The following EPC1 variants were observed in gnomAD, a reference collection of about 807,000 sequenced individuals.
The protein encoded by EPC1 is enhancer of polycomb homolog 1.
In EPC1, 12 loss-of-function variants were observed where a neutral mutation model predicts 98.4. That is an observed-to-expected ratio of 0.12 (90% CI 0.08 to 0.20). EPC1 has a LOEUF of 0.20. EPC1 is among the 10% of genes least tolerant of loss of function. The pLI, the probability that EPC1 is intolerant of heterozygous loss-of-function variation, is 1.00. For synonymous variants in EPC1, 357 were observed against 363.9 expected (o/e 0.98, Z 0.21); for missense variants, 729 against 990.5 (o/e 0.74, Z 3.54).
chr10:32,268,889 T>C lies in EPC1; in HGVS notation c.*174A>G. 1 of 572,110 alleles carries C rather than the reference T, an allele frequency of 1.7e-6. No homozygotes were observed. Among genetic ancestry groups the C allele is most frequent in the South Asian group, 2.3e-5 (1 of 43,208 alleles). The allele number at this position is 572,110 out of a possible 1,614,324, so 35.4% of individuals were successfully genotyped here. Reference sequence around the variant, plus strand: ...CTTAATTTACAGATGTTGATTTTTTTCCTATTAACAGTAAGAAAAGAAAAA... The same window carrying C: ...CTTAATTTACAGATGTTGATTTTTTCCCTATTAACAGTAAGAAAAGAAAAA... On this transcript the variant is annotated 3_prime_UTR_variant, in exon 14 of 14. Coordinates refer to ENST00000319778, the MANE Select transcript of EPC1 (RefSeq NM_001272004.3).
intron 1 of EPC1, among the ~76,000 whole-genome samples, chr10:32,360,044 A>G (rs1362832335): frequency 6.6e-6 from 1 of 151,096 alleles, no homozygotes; most frequent in Admixed American, 6.6e-5. Flanking sequence ...TGTTTGTATC[A>G]GTAGCAGGTC....
intron 1 of EPC1, among the ~76,000 whole-genome samples, chr10:32,324,901 G>A (rs1018643481): frequency 6.6e-6 from 1 of 152,144 alleles, no homozygotes; most frequent in African/African-American, 2.4e-5. Flanking sequence ...GCTGAGGCAG[G>A]AAAATGGCAA....
At chr10:32,299,562 CATT>C (rs780700367) in intron 2 of EPC1, among the ~76,000 whole-genome samples, 30 of 152,094 alleles carry the variant, frequency 2.0e-4, no homozygotes, top group African/African-American at 4.8e-4. Context: ...TCATCATCAT[CATT>C]ATTATTATTA....
intron 1 of EPC1, among the ~76,000 whole-genome samples, chr10:32,375,476 C>G (rs545251305): frequency 6.6e-6 from 1 of 152,172 alleles, no homozygotes; most frequent in South Asian, 2.1e-4. Flanking sequence ...TGGTTCATTA[C>G]ATTGTCTTAA....
At chr10:32,356,679 T>C (rs936390681) in intron 1 of EPC1, among the ~76,000 whole-genome samples, 1 of 152,164 alleles carries the variant, frequency 6.6e-6, no homozygotes, top group African/African-American at 2.4e-5. Flanking sequence ...TAGTGGTGCC[T>C]GCGCACGTTG....
At position 32,346,865 on chromosome 10, in the gene EPC1, C is replaced by G. The variant is rs750531881; in HGVS notation, c.51G>C (p.Leu17=). The change falls in exon 1 of 14, where the codon CTG becomes CTC. Residue 17 remains leucine (L), a synonymous_variant. Transcript: ENST00000319778. Reference sequence around the variant, plus strand: ...GCAGATCCTCACAGCGGAAAACCGGCAGCGGCTTCGAGGCGTCTAGCGCCC... The same window carrying G: ...GCAGATCCTCACAGCGGAAAACCGGGAGCGGCTTCGAGGCGTCTAGCGCCC... ...RARALDASKP[L]PVFRCEDLPD... is the part of the protein sequence containing the mutation. 6.2e-7 allele frequency: 1 copy of G among 1,614,174 alleles called. No individual in the cohort carries two copies. Among genetic ancestry groups the G allele is most frequent in the South Asian group, 1.1e-5 (1 of 91,090 alleles).
rs1447314147 is a variant in EPC1, at chr10:32,322,908, G to A, written c.154-16977C>T. On this transcript the variant is annotated intron_variant, in intron 1 of 13. Coordinates refer to ENST00000319778, the MANE Select transcript of EPC1 (RefSeq NM_001272004.3). Reference sequence around the variant, plus strand: ...ACAGTTAGATGGAATAAGATGTAGGGTTTGGCAGCACAATAAAGAGACCAT... The same window carrying A: ...ACAGTTAGATGGAATAAGATGTAGGATTTGGCAGCACAATAAAGAGACCAT... Among the ~76,000 whole-genome samples the A allele has an allele frequency of 2.6e-5, 4 of 152,036 alleles. No homozygotes were observed. The South Asian group carries it at 6.2e-4, about 24-fold the overall frequency.
rs759184073 is a variant in EPC1 at position 32,273,214 on chromosome 10, T to C, written c.1812A>G (p.Ala604=). Residue 604 remains alanine (A), a synonymous_variant, in exon 11 of 14, where the codon GCA becomes GCG. Coordinates refer to ENST00000319778, the MANE Select transcript of EPC1 (RefSeq NM_001272004.3). ...QLALMQKQQL[A]QIQQQQANSN... is the part of the protein sequence containing the mutation. ...TATTTGCTTGCTGTTGCTGAATTTG[T>C]GCAAGCTGCTGTTTCTGCATGAGTG... The C allele has an allele frequency of 6.2e-7, 1 of 1,614,116 alleles. No homozygotes were observed. Among genetic ancestry groups the C allele is most frequent in the Non-Finnish European group, 8.5e-7 (1 of 1,179,914 alleles).
intron 2 of EPC1, among the ~76,000 whole-genome samples, chr10:32,296,172 T>G (rs1038470966): frequency 6.6e-6 from 1 of 152,078 alleles, no homozygotes; most frequent in Non-Finnish European, 1.5e-5. Context: ...CCTGAACTCA[T>G]GATCCACCCG....
chr10:32,271,442 A>G (rs1239398828), intron 13 of EPC1, 112 bp downstream of exon 13: 1 of 1,200,526 alleles, frequency 8.3e-7, no homozygotes, highest in African/African-American at 1.5e-5. Context: ...ATACATTTTC[A>G]ATGTATAAAA....
chr10:32,319,898 C>T (rs1479242979), intron 1 of EPC1, among the ~76,000 whole-genome samples: 8 of 152,094 alleles, frequency 5.3e-5, no homozygotes, highest in South Asian at 2.1e-4. Flanking sequence ...AGGCTGGTCT[C>T]GAACTCCTGA....
chr10:32,272,970 T>C (rs771293270), intron 11 of EPC1, 193 bp downstream of exon 11: 1 of 1,539,288 alleles, frequency 6.5e-7, no homozygotes, highest in Non-Finnish European at 8.9e-7. Flanking sequence ...GCTTTAGTTT[T>C]ACTTTTTAAA....
intron 1 of EPC1, among the ~76,000 whole-genome samples, chr10:32,336,981 A>AT (rs1190846344): frequency 6.6e-6 from 1 of 152,042 alleles, no homozygotes; most frequent in Non-Finnish European, 1.5e-5. Context: ...GTCTCTGTTA[A>AT]TTTTTTCCCT....
intron 1 of EPC1, among the ~76,000 whole-genome samples, chr10:32,327,033 C>T (rs2132945021): frequency 7.4e-6 from 1 of 134,932 alleles, no homozygotes; most frequent in East Asian, 2.2e-4. Context: ...TGTAAATTAC[C>T]ATCAATAGAT....
chr10:32,289,437 A>G (rs994432331), intron 6 of EPC1, among the ~76,000 whole-genome samples: 28 of 138,312 alleles, frequency 2.0e-4, no homozygotes, highest in Admixed American at 1.9e-3. Context: ...AAAAAAGTCC[A>G]GGCTGGGGAA....
At chr10:32,270,770 T>TGAGA (rs1251838838) in intron 13 of EPC1, among the ~76,000 whole-genome samples, 1 of 128,826 alleles carries the variant, frequency 7.8e-6, no homozygotes, top group East Asian at 2.4e-4. Flanking sequence ...TGCAGTGAGC[T>TGAGA]GAGATTGTGC....
chr10:32,272,051 C>A lies in EPC1; in HGVS notation c.1980G>T (p.Gly660=), dbSNP rs1384324202. 1 of 1,613,448 alleles carries A rather than the reference C, an allele frequency of 6.2e-7. No homozygotes were observed. The highest frequency in any genetic ancestry group is 1.1e-5 in the South Asian group (1 of 90,930). ...CTGAGGCTGGAAGGACGCCATTCAC[C>A]CCGATTCCAAGCACCACATCATCCT... ...KMKDDVVLGI[G]VNGVLPASGV... The change falls in exon 12 of 14, where the codon GGG becomes GGT. Residue 660 remains glycine (G), a synonymous_variant. Transcript: ENST00000319778.
intron 1 of EPC1, among the ~76,000 whole-genome samples, chr10:32,336,169 A>G (rs1035201439): frequency 6.6e-6 from 1 of 151,820 alleles, no homozygotes; most frequent in South Asian, 2.1e-4. Context: ...CCCAGGTTCA[A>G]GCAATTCTCC....
intron 1 of EPC1, among the ~76,000 whole-genome samples, chr10:32,362,985 C>T (rs144023454): frequency 2.0e-5 from 3 of 152,296 alleles, no homozygotes; most frequent in African/African-American, 7.2e-5. Flanking sequence ...GCTACTGAAC[C>T]TGTATTTCTG....
Sources: allele counts gnomAD v4.1 joint callset (sites outside exome capture counted in the v4.1 genomes callset), GRCh38; gene constraint gnomAD v4.1.1; transcripts MANE v1.5; gene names NCBI Gene and HGNC (gene_info 2026-07-23, HGNC 2026-07-21).